The following LHX5 variants were observed in gnomAD, a reference collection of about 807,000 sequenced individuals.
The protein encoded by LHX5 is LIM/homeobox protein Lhx5.
A neutral mutation model predicts 30.6 loss-of-function variants in LHX5; 5 were observed. The ratio of observed to expected loss-of-function variants is 0.16; its 90% CI spans 0.09 to 0.34. LHX5 has a LOEUF of 0.34. LHX5 is among the 10% of genes least tolerant of loss of function. LHX5 has a pLI of 1.00. For missense variants in LHX5, 458 were observed against 570.6 expected, an observed-to-expected ratio of 0.80 and a Z score of 2.01; for synonymous variants, 266 against 252.6, an observed-to-expected ratio of 1.05 and a Z score of -0.50.
chr12:113,470,289 G>C (rs990428339), intron 1 of LHX5, among the ~76,000 whole-genome samples: 13 of 152,178 alleles, frequency 8.5e-5, no homozygotes, highest in Non-Finnish European at 1.5e-4. Context: ...GAATTTGGGT[G>C]ACATTGATGT....
rs118136281 is a variant in LHX5 at position 113,467,648 on chromosome 12, T to C, written c.676-227A>G. On this transcript the variant is annotated intron_variant, in intron 3 of 4. Transcript: ENST00000261731. The surrounding 1 kb of genome is among the most constrained non-coding windows in gnomAD (Gnocchi z 6.3). ...GACCCGTGGGGCGACTCATAAAGAC[T>C]TGGGCTTCCTGGTCCCCGGCTCGCC... Among the ~76,000 whole-genome samples the C allele has an allele frequency of 0.028, 4,298 of 152,316 alleles. 110 individuals are homozygous for C. The highest frequency in any genetic ancestry group is 0.048 in the Middle Eastern group (14 of 294).
rs771539026 is a variant in LHX5 at position 113,468,436 on chromosome 12, G to A, written c.398-32C>T. On this transcript the variant is annotated intron_variant, in intron 2 of 4. Coordinates refer to ENST00000261731, the MANE Select transcript of LHX5 (RefSeq NM_022363.3). ...GCGGACGGATCGGGAAGGGGACAGC[G>A]GCGTCAGCGACGGCCAGACGCCTCT... The A allele has an allele frequency of 5.7e-6, 9 of 1,580,324 alleles. No homozygotes were observed. In the Admixed American group the frequency reaches 1.4e-4, roughly 24 times the overall value.
chr12:113,468,997 G>C (rs1375426917), intron 2 of LHX5, 125 bp downstream of exon 2: 16 of 723,038 alleles, frequency 2.2e-5, no homozygotes, highest in Admixed American at 5.6e-5. Flanking sequence ...CCCTAGAACT[G>C]CCTGGGGCTG....
Position 113,469,344 on chromosome 12 carries a change from G to C in LHX5, c.175C>G (p.Arg59Gly), listed in dbSNP as rs202027707. The change falls in exon 2 of 5, where the codon CGC becomes GGC. Residue 59 changes from arginine to glycine, a missense_variant and splice_region_variant. By Grantham distance (125) the Arg-to-Gly change is moderately radical. This residue lies in a region of LHX5 where 178 missense variants were observed against 238.5 expected (regional missense o/e 0.75). Transcript: ENST00000261731. ...CAGCCGGCGCATTTCGTGCCAAAGC[G>C]CCTGTGGACACAATGTGCCTGTCAC... ...KLYCKNDFFR[R>G]FGTKCAGCAQ... 3 of 1,610,530 alleles carry C rather than the reference G, an allele frequency of 1.9e-6. No individual in the cohort carries two copies. The highest frequency in any genetic ancestry group is 1.7e-6 in the Non-Finnish European group (2 of 1,179,460).
Position 113,463,504 on chromosome 12 carries a change from C to T in LHX5, c.895G>A (p.Gly299Ser). 1 of 1,565,360 alleles carries T rather than the reference C, an allele frequency of 6.4e-7. No individual in the cohort carries two copies. The highest frequency in any genetic ancestry group is 8.6e-7 in the Non-Finnish European group (1 of 1,163,406). Residue 299 changes from glycine (G) to serine (S), a missense_variant, in exon 5 of 5, where the codon GGC becomes AGC. Around this residue, in one of 3 missense-constraint regions of LHX5, gnomAD observed 255 missense variants for 246.8 expected, o/e 1.03. Transcript: ENST00000261731. This position sits in a 1 kb window ranked among gnomAD's most constrained non-coding sequence, Gnocchi z 6.7. ...GGGGACTGCGCCTGCGAAGGCGGGC[C>T]GTGCGCGAAGAAGTCGTAGTTGCTT... Reference protein sequence around the residue: ...PGSNYDFFAHGPPSQAQSPAD... With the variant: ...PGSNYDFFAHSPPSQAQSPAD...
chr12:113,468,551 G>A (rs1565887477), intron 2 of LHX5, 147 bp from the exon 3 acceptor site: 7 of 1,050,662 alleles, frequency 6.7e-6, no homozygotes, highest in Non-Finnish European at 8.1e-6. Flanking sequence ...ACCTGCGACA[G>A]CCCCTCCCCC....
Position 113,466,810 on chromosome 12 carries a change from C to T in LHX5, c.841+446G>A, listed in dbSNP as rs1958217823. 2.0e-5 allele frequency among the ~76,000 whole-genome samples: 3 copies of T among 152,282 alleles called. No individual in the cohort carries two copies. The highest frequency in any genetic ancestry group is 6.8e-3 in the Middle Eastern group (2 of 294). Reference sequence around the variant, plus strand: ...GGCACAGGGCGGCAGGAAGGCTGTGCGTCTGTCCGTGGGGGCCGCATGCAT... The same window carrying T: ...GGCACAGGGCGGCAGGAAGGCTGTGTGTCTGTCCGTGGGGGCCGCATGCAT... On this transcript the variant is annotated intron_variant, in intron 4 of 4. Coordinates refer to ENST00000261731, the MANE Select transcript of LHX5 (RefSeq NM_022363.3). The surrounding 1 kb of genome is among the most constrained non-coding windows in gnomAD (Gnocchi z 6.5).
At chr12:113,470,704 G>C (rs1011284249) in intron 1 of LHX5, among the ~76,000 whole-genome samples, 6 of 152,186 alleles carry the variant, frequency 3.9e-5, no homozygotes, top group Non-Finnish European at 8.8e-5. Flanking sequence ...ACAGGGGTAG[G>C]GGGGCTGGGG....
At position 113,463,267 on chromosome 12, in the gene LHX5, G is replaced by A; in HGVS notation, c.1132C>T (p.Pro378Ser). The change falls in exon 5 of 5, where the codon CCA becomes TCA. Residue 378 changes from proline to serine, a missense_variant. By Grantham distance (74) the Pro-to-Ser change is moderately conservative. Around this residue, in one of 3 missense-constraint regions of LHX5, gnomAD observed 255 missense variants for 246.8 expected, o/e 1.03. Coordinates refer to ENST00000261731, the MANE Select transcript of LHX5 (RefSeq NM_022363.3). This position sits in a 1 kb window ranked among gnomAD's most constrained non-coding sequence, Gnocchi z 6.7. ...VFSGGPSPPF[P>S]MSGTSGYSGP... ...CTGTAGCCGCTGGTGCCGCTCATTG[G>A]GAAGGGCGGGCTGGGCCCGCCGCTG... The A allele has an allele frequency of 6.5e-7, 1 of 1,527,194 alleles. No individual in the cohort carries two copies. Among genetic ancestry groups the A allele is most frequent in the Non-Finnish European group, 8.8e-7 (1 of 1,141,172 alleles). The allele number at this position is 1,527,194 out of a possible 1,614,324, so 94.6% of individuals were successfully genotyped here. A position where few individuals can be genotyped will look rare whatever the true frequency, so the allele number is the denominator to read the frequency against.
rs377541276 is a variant in LHX5 at position 113,469,192 on chromosome 12, G to A, written c.327C>T (p.Asp109=). The A allele has an allele frequency of 2.5e-6, 4 of 1,614,154 alleles. No individual in the cohort carries two copies. The highest frequency in any genetic ancestry group is 1.1e-5 in the South Asian group (1 of 91,096). Residue 109 remains aspartate, a synonymous_variant, in exon 2 of 5, where the codon GAC becomes GAT. Transcript: ENST00000261731. ...LSTGEELYVI[D]ENKFVCKDDY... is the part of the protein sequence containing the mutation. ...CGTCTTTGCACACGAACTTGTTCTCGTCGATGACGTAGAGCTCCTCGCCGG... is the reference window on the plus strand; with the variant it reads ...CGTCTTTGCACACGAACTTGTTCTCATCGATGACGTAGAGCTCCTCGCCGG...
chr12:113,469,503 G>A (rs576617626), intron 1 of LHX5, among the ~76,000 whole-genome samples, 158 bp from the exon 2 acceptor site: 1 of 152,256 alleles, frequency 6.6e-6, no homozygotes, highest in African/African-American at 2.4e-5. Context: ...AGTGGGAGAA[G>A]TGGGACAAAT....
intron 2 of LHX5, among the ~76,000 whole-genome samples, chr12:113,468,844 C>T (rs998897906): frequency 2.0e-5 from 3 of 152,224 alleles, no homozygotes; most frequent in African/African-American, 7.2e-5. Context: ...GGGAATTGTG[C>T]GCTTCCAAAT....
At chr12:113,468,727 T>C (rs1039933044) in intron 2 of LHX5, among the ~76,000 whole-genome samples, 5 of 152,168 alleles carry the variant, frequency 3.3e-5, no homozygotes, top group African/African-American at 9.7e-5. Flanking sequence ...GGGCACAGAT[T>C]CCCTTGGGGC....
At position 113,463,204 on chromosome 12, in the gene LHX5, CTTCGTTGAGCT is replaced by C; in HGVS notation, c.1184_1194del (p.Glu395GlyfsTer313). ...GCCCGGCGGCCTTACCACACGGCGGCTTCGTTGAGCTCGGGGTTGGGATGCGACAGGGGTCC... is the reference window on the plus strand; with the variant it reads ...GCCCGGCGGCCTTACCACACGGCGGCCGGGGTTGGGATGCGACAGGGGTCC... On this transcript the variant is annotated frameshift_variant, in exon 5 of 5. Transcript: ENST00000261731. LOFTEE classifies it high-confidence loss of function. The surrounding 1 kb of genome is among the most constrained non-coding windows in gnomAD (Gnocchi z 6.7). The C allele has an allele frequency of 6.6e-7, 1 of 1,517,848 alleles. No homozygotes were observed. The highest frequency in any genetic ancestry group is 8.8e-7 in the Non-Finnish European group (1 of 1,139,026). 94.0% of individuals were successfully genotyped at this position (1,517,848 alleles called of 1,614,324 possible).
rs1402737143 is a variant in LHX5 at position 113,467,635 on chromosome 12, G to A, written c.676-214C>T. On this transcript the variant is annotated intron_variant, in intron 3 of 4. Transcript: ENST00000261731. This position sits in a 1 kb window ranked among gnomAD's most constrained non-coding sequence, Gnocchi z 6.3. ...GAAGGATTTCGCGGACCCGTGGGGCGACTCATAAAGACTTGGGCTTCCTGG... is the reference window on the plus strand; with the variant it reads ...GAAGGATTTCGCGGACCCGTGGGGCAACTCATAAAGACTTGGGCTTCCTGG... Among the ~76,000 whole-genome samples, 2 of 152,202 alleles carry A rather than the reference G, an allele frequency of 1.3e-5. No individual in the cohort carries two copies. The highest frequency in any genetic ancestry group is 4.8e-5 in the African/African-American group (2 of 41,464).
In LHX5 at chr12:113,463,662, C is replaced by G; in HGVS notation, c.842-105G>C. The G allele has an allele frequency of 1.6e-6, 2 of 1,214,960 alleles. No homozygotes were observed. The highest frequency in any genetic ancestry group is 1.6e-5 in the African/African-American group (1 of 63,784). 75.3% of individuals were successfully genotyped at this position (1,214,960 alleles called of 1,614,324 possible). A position where few individuals can be genotyped will look rare whatever the true frequency, so the allele number is the denominator to read the frequency against. On this transcript the variant is annotated intron_variant, in intron 4 of 4. Coordinates refer to ENST00000261731, the MANE Select transcript of LHX5 (RefSeq NM_022363.3). This position sits in a 1 kb window ranked among gnomAD's most constrained non-coding sequence, Gnocchi z 6.7. ...GACCCGGGCGGGCGAGAGAGGGGAGCGCGCGACACCGACCCAAGGTTAGAG... is the reference window on the plus strand; with the variant it reads ...GACCCGGGCGGGCGAGAGAGGGGAGGGCGCGACACCGACCCAAGGTTAGAG...
rs771876686 is a variant in LHX5 at position 113,471,511 on chromosome 12, C to T, written c.-13G>A. 1 of 1,572,758 alleles carries T rather than the reference C, an allele frequency of 6.4e-7. No homozygotes were observed. The highest frequency in any genetic ancestry group is 2.3e-5 in the East Asian group (1 of 42,776). On this transcript the variant is annotated 5_prime_UTR_variant, in exon 1 of 5. Transcript: ENST00000261731. Reference sequence around the variant, plus strand: ...AGTGCACCATCATAGCCCCGCGCCCCGGCGGCTTCGGCCGCCTTGCCCTCC... The same window carrying T: ...AGTGCACCATCATAGCCCCGCGCCCTGGCGGCTTCGGCCGCCTTGCCCTCC...
In LHX5 at chr12:113,463,076, A is replaced by AC. The variant is rs1230612856; in HGVS notation, c.*113dup. ...CAGTTGAGTGCGGACCCGAGAGAGA[A>AC]CCCCCGAGGGACACCCACGTCTCCC... On this transcript the variant is annotated 3_prime_UTR_variant, in exon 5 of 5. Coordinates refer to ENST00000261731, the MANE Select transcript of LHX5 (RefSeq NM_022363.3). The surrounding 1 kb of genome is among the most constrained non-coding windows in gnomAD (Gnocchi z 6.7). 1.9e-5 allele frequency: 17 copies of AC among 910,654 alleles called. No individual in the cohort carries two copies. Among genetic ancestry groups the AC allele is most frequent in the Non-Finnish European group, 2.6e-5 (17 of 645,976 alleles). The allele number at this position is 910,654 out of a possible 1,614,324, so 56.4% of individuals were successfully genotyped here.
intron 1 of LHX5, among the ~76,000 whole-genome samples, chr12:113,470,986 G>C (rs916610366): frequency 4.6e-5 from 7 of 152,174 alleles, no homozygotes; most frequent in Non-Finnish European, 1.0e-4. Context: ...CCTCTCTCTC[G>C]GGACGGGGCT....
Sources: gnomAD v4.1 joint callset for allele counts (sites outside exome capture counted in the v4.1 genomes callset) on GRCh38, gnomAD v4.1.1 for gene constraint, gnomAD v4.1.1 regional missense constraint, Gnocchi (gnomAD v3.1) non-coding constraint, MANE v1.5 for transcripts, NCBI Gene and HGNC (gene_info 2026-07-23, HGNC 2026-07-21) for gene names.